The following OARD1 variants were observed in gnomAD, a reference collection of about 807,000 sequenced individuals.
OARD1 encodes O-acyl-ADP-ribose deacylase 1.
OARD1 carries 19 observed loss-of-function variants against 19.7 expected under a neutral mutation model. The ratio of observed to expected loss-of-function variants is 0.96; its 90% CI spans 0.67 to 1.41. The LOEUF (loss-of-function observed/expected upper bound fraction) is 1.41, where lower values mean the gene tolerates loss of function less well. Among genes scored for constraint, OARD1 ranks in the 40% most tolerant of loss-of-function variants. The pLI is 0.00. For missense variants in OARD1, 190 were observed against 183.8 expected (o/e 1.03, Z -0.20); for synonymous variants, 70 against 61.8 (o/e 1.13, Z -0.62).
At chr6:41,076,706 TTG>T (rs1329569349), upstream of OARD1, among the ~76,000 whole-genome samples, 1 of 152,196 alleles carries the variant, frequency 6.6e-6, no homozygotes, top group Non-Finnish European at 1.5e-5. Context: ...ATTCAAAACT[TTG>T]TGTTAAGAGC....
intron 3 of OARD1, among the ~76,000 whole-genome samples, chr6:41,070,551 G>T (rs1221165808): frequency 6.6e-6 from 1 of 152,186 alleles, no homozygotes; most frequent in Non-Finnish European, 1.5e-5. Context: ...TATAAAAAAG[G>T]AATTAATTAT....
upstream of OARD1, among the ~76,000 whole-genome samples, chr6:41,077,348 C>T (rs1196559153): frequency 6.6e-6 from 1 of 152,110 alleles, no homozygotes; most frequent in African/African-American, 2.4e-5. Context: ...ATTTTCATCA[C>T]CCTACAATGT....
rs942906196 is a variant in OARD1 at position 41,067,040 on chromosome 6, A to C, written c.*295T>G. The C allele has an allele frequency of 1.1e-5, 2 of 185,048 alleles. No individual in the cohort carries two copies. The highest frequency in any genetic ancestry group is 4.7e-5 in the African/African-American group (2 of 42,782). 11.5% of individuals were successfully genotyped at this position (185,048 alleles called of 1,614,324 possible). ...TGCCACCTAGTGGCCAGCCAAACAA[A>C]TCAGGTAGCATACTGGAGAAAAAGG... On this transcript the variant is annotated 3_prime_UTR_variant, in exon 6 of 6. Coordinates refer to ENST00000424266, the MANE Select transcript of OARD1 (RefSeq NM_001329686.2).
chr6:41,094,584 T>A, intron 1 of OARD1: 1 of 966,010 alleles, frequency 1.0e-6, no homozygotes, highest in Non-Finnish European at 1.6e-6. Flanking sequence ...CTTGCTATTT[T>A]CCTACTCTGG....
intron 1 of OARD1, among the ~76,000 whole-genome samples, chr6:41,095,739 T>TAA (rs1399853183): frequency 2.0e-5 from 3 of 152,222 alleles, no homozygotes; most frequent in Non-Finnish European, 4.4e-5. Context: ...CCCTTTTCTT[T>TAA]ACAGTGTAAT....
chr6:41,073,752 C>T (rs765933654), upstream of OARD1, among the ~76,000 whole-genome samples: 1 of 152,016 alleles, frequency 6.6e-6, no homozygotes. Flanking sequence ...GGAGAGGGGG[C>T]CGTTAGTTCG....
chr6:41,082,558 T>G (rs962127589), intron 1 of OARD1, among the ~76,000 whole-genome samples: 1 of 152,204 alleles, frequency 6.6e-6, no homozygotes, highest in African/African-American at 2.4e-5. Flanking sequence ...GATAGAAAAT[T>G]ATTAATAGCT....
chr6:41,092,369 G>A (rs1764219501), intron 1 of OARD1, among the ~76,000 whole-genome samples: 1 of 152,176 alleles, frequency 6.6e-6, no homozygotes, highest in Non-Finnish European at 1.5e-5. Flanking sequence ...TCTACGAATT[G>A]AATGAAAAAT....
chr6:41,090,123 A>ATTT, intron 1 of OARD1: 3 of 814,570 alleles, frequency 3.7e-6, no homozygotes, highest in African/African-American at 1.8e-5. Context: ...CAAAAAAATA[A>ATTT]TTTTTTTTTT....
intron 1 of OARD1, chr6:41,097,478 T>G: frequency 2.6e-6 from 4 of 1,509,880 alleles, no homozygotes; most frequent in Non-Finnish European, 3.7e-6. Flanking sequence ...GATCAACTCT[T>G]CCAATGGGAC....
rs1762994842 is a variant in OARD1, at chr6:41,066,042, A to C, written c.*1293T>G. On this transcript the variant is annotated 3_prime_UTR_variant, in exon 6 of 6. Coordinates refer to ENST00000424266, the MANE Select transcript of OARD1 (RefSeq NM_001329686.2). ...CTTTGCAGCTTCGGAAGAAAAGAGGACTAATATTTAGACCCCAGCTGGCTG... is the reference window on the plus strand; with the variant it reads ...CTTTGCAGCTTCGGAAGAAAAGAGGCCTAATATTTAGACCCCAGCTGGCTG... The C allele has an allele frequency of 6.6e-6, 1 of 152,232 alleles. No homozygotes were observed. Among genetic ancestry groups the C allele is most frequent in the South Asian group, 2.1e-4 (1 of 4,832 alleles). 9.4% of individuals were successfully genotyped at this position (152,232 alleles called of 1,614,324 possible).
intron 2 of OARD1, 114 bp from the exon 3 acceptor site, chr6:41,071,390 A>G (rs1014866073): frequency 9.8e-5 from 112 of 1,143,730 alleles, no homozygotes; most frequent in Non-Finnish European, 1.0e-4. Flanking sequence ...CCTTCCTCCA[A>G]TCTGATTTAA....
At chr6:41,092,908 A>G (rs1764232499) in intron 1 of OARD1, 1 of 1,612,868 alleles carries the variant, frequency 6.2e-7, no homozygotes, top group East Asian at 2.2e-5. Context: ...TCCTGTTCAC[A>G]CAGATGGTTC....
In OARD1 at chr6:41,071,029, G is replaced by A. The variant is rs770792098; in HGVS notation, c.184+103C>T. The A allele has an allele frequency of 5.8e-6, 7 of 1,216,560 alleles. No homozygotes were observed. The East Asian group carries it at 1.2e-4, about 20-fold the overall frequency. 75.4% of individuals were successfully genotyped at this position (1,216,560 alleles called of 1,614,324 possible). On this transcript the variant is annotated intron_variant, in intron 3 of 5. Coordinates refer to ENST00000424266, the MANE Select transcript of OARD1 (RefSeq NM_001329686.2). ...GGGGAGGAAAATCTTAAAAACATTT[G>A]GTTCTTAGGAATCCCCTCTTTACAC... is the stretch of plus-strand genomic sequence containing the variant.
chr6:41,074,331 A>G (rs565608294), upstream of OARD1, among the ~76,000 whole-genome samples: 72 of 152,340 alleles, frequency 4.7e-4, no homozygotes, highest in African/African-American at 1.7e-3. Context: ...TGCCAGGTAT[A>G]ATCCGTGTGT....
At chr6:41,094,948 C>T (rs1261041043) in intron 1 of OARD1, among the ~76,000 whole-genome samples, 3 of 152,182 alleles carry the variant, frequency 2.0e-5, no homozygotes, top group Admixed American at 1.3e-4. Context: ...GGTTTTATTA[C>T]CCCATCACAA....
intron 1 of OARD1, chr6:41,091,691 C>T (rs761564640): frequency 1.2e-6 from 2 of 1,609,972 alleles, no homozygotes; most frequent in South Asian, 2.2e-5. Context: ...GAGGGATGGT[C>T]ATGGTAAGAA....
rs967831504 is a variant in OARD1, at chr6:41,065,282, T to A, written c.*2053A>T. 2 of 152,218 alleles carry A rather than the reference T, an allele frequency of 1.3e-5. No individual in the cohort carries two copies. Among genetic ancestry groups the A allele is most frequent in the Admixed American group, 1.3e-4 (2 of 15,280 alleles). The allele number at this position is 152,218 out of a possible 1,614,324, so 9.4% of individuals were successfully genotyped here. ...CCTAGAAAATCCATGTTTTGACTTG[T>A]GTTAAGGTTTACAGATGGTACTCAA... On this transcript the variant is annotated 3_prime_UTR_variant, in exon 6 of 6. Coordinates refer to ENST00000424266, the MANE Select transcript of OARD1 (RefSeq NM_001329686.2).
chr6:41,079,180 T>C, intron 1 of OARD1: 1 of 1,613,152 alleles, frequency 6.2e-7, no homozygotes, highest in Non-Finnish European at 8.5e-7. Context: ...GAAGCAAAAC[T>C]GCTTTAAACA....
Sources: gnomAD v4.1 joint callset for allele counts (sites outside exome capture counted in the v4.1 genomes callset) on GRCh38, gnomAD v4.1.1 for gene constraint, MANE v1.5 for transcripts, NCBI Gene and HGNC (gene_info 2026-07-23, HGNC 2026-07-21) for gene names.